The following MEOX2 variants were observed in gnomAD, a reference collection of about 807,000 sequenced individuals.
The protein encoded by MEOX2 is homeobox protein MOX-2.
In MEOX2, 11 loss-of-function variants were observed where a neutral mutation model predicts 27.0. The observed-to-expected ratio is 0.41, with a 90% CI of 0.26 to 0.68. MEOX2 has a LOEUF of 0.68. MEOX2 is among the 30% of genes least tolerant of loss of function. The pLI, the probability that MEOX2 is intolerant of heterozygous loss-of-function variation, is 0.33. For missense variants in MEOX2, 436 were observed against 385.4 expected (o/e 1.13, Z -1.10); for synonymous variants, 189 against 155.4 (o/e 1.22, Z -1.61).
intron 1 of MEOX2, among the ~76,000 whole-genome samples, chr7:15,648,973 T>C (rs1485648905): frequency 6.6e-6 from 1 of 152,080 alleles, no homozygotes; most frequent in Non-Finnish European, 1.5e-5. Context: ...AATTAAGTTG[T>C]TCCCTTGCTG....
At chr7:15,644,098 G>A (rs1006609402) in intron 1 of MEOX2, among the ~76,000 whole-genome samples, 6 of 152,154 alleles carry the variant, frequency 3.9e-5, no homozygotes, top group African/African-American at 1.4e-4. Context: ...AGAGTGTCTG[G>A]GCTCTGTTTT....
At chr7:15,679,934 C>A (rs1024309993) in intron 1 of MEOX2, 1 of 151,502 alleles carries the variant, frequency 6.6e-6, no homozygotes, top group Non-Finnish European at 1.5e-5. Context: ...CTGTGAAAAC[C>A]AATATTTAAA....
intron 2 of MEOX2, among the ~76,000 whole-genome samples, chr7:15,614,342 T>C (rs953975312): frequency 6.6e-6 from 1 of 152,002 alleles, no homozygotes; most frequent in Non-Finnish European, 1.5e-5. Flanking sequence ...TGAGCCCAAG[T>C]GGTTGAGGTT....
At chr7:15,671,402 A>C (rs149761247) in intron 1 of MEOX2, among the ~76,000 whole-genome samples, 1 of 152,326 alleles carries the variant, frequency 6.6e-6, no homozygotes, top group East Asian at 1.9e-4. Flanking sequence ...ACCTATCAAA[A>C]TGTGTTGCAA....
At position 15,672,696 on chromosome 7, in the gene MEOX2, T is replaced by C. The variant is rs377010977; in HGVS notation, c.517+13190A>G. Among the ~76,000 whole-genome samples the C allele has an allele frequency of 1.7e-4, 26 of 152,016 alleles. 1 individual carries two copies. The South Asian group carries it at 4.4e-3, about 26-fold the overall frequency. ...TCATGAGGTCAGGAGATCAAGACCA[T>C]CCTGGCTAAAATGGTGAAACCCCAT... On this transcript the variant is annotated intron_variant, in intron 1 of 2. Coordinates refer to ENST00000262041, the MANE Select transcript of MEOX2 (RefSeq NM_005924.5).
chr7:15,665,760 G>A (rs369747090), intron 1 of MEOX2, among the ~76,000 whole-genome samples: 2 of 152,162 alleles, frequency 1.3e-5, no homozygotes, highest in African/African-American at 2.4e-5. Context: ...GCTAGACTAG[G>A]AAAGTAGATT....
intron 1 of MEOX2, among the ~76,000 whole-genome samples, chr7:15,660,943 G>A (rs1781904103): frequency 6.9e-6 from 1 of 144,026 alleles, no homozygotes; most frequent in South Asian, 2.3e-4. Context: ...AACTCGGGAG[G>A]TGGATGTTGC....
intron 1 of MEOX2, among the ~76,000 whole-genome samples, chr7:15,641,643 G>C (rs967634299): frequency 6.6e-6 from 1 of 152,090 alleles, no homozygotes; most frequent in Non-Finnish European, 1.5e-5. Flanking sequence ...GGGAGGTTTT[G>C]TTCCTCTAAT....
At chr7:15,629,952 C>G (rs994778726) in intron 1 of MEOX2, among the ~76,000 whole-genome samples, 1 of 151,948 alleles carries the variant, frequency 6.6e-6, no homozygotes, top group African/African-American at 2.4e-5. Flanking sequence ...AAAGTCCCTC[C>G]CTTTTCTTCA....
chr7:15,661,225 GCTAT>G (rs765652375), intron 1 of MEOX2, among the ~76,000 whole-genome samples: 24 of 152,070 alleles, frequency 1.6e-4, no homozygotes, highest in Non-Finnish European at 2.4e-4. Context: ...TTGATAAGTG[GCTAT>G]CTTTTTTCCT....
chr7:15,625,181 A>G (rs143846061), intron 2 of MEOX2, among the ~76,000 whole-genome samples: 223 of 152,292 alleles, frequency 1.5e-3, no homozygotes, highest in African/African-American at 4.6e-3. Context: ...AGAATTCACC[A>G]TCTCTATATA....
At chr7:15,648,250 A>G (rs148094525) in intron 1 of MEOX2, among the ~76,000 whole-genome samples, 7 of 152,250 alleles carry the variant, frequency 4.6e-5, no homozygotes, top group African/African-American at 7.2e-5. Flanking sequence ...AAACACAGCT[A>G]TTTAAAGAAG....
intron 1 of MEOX2, chr7:15,676,068 CA>C: frequency 6.6e-6 from 1 of 152,230 alleles, no homozygotes. Flanking sequence ...TCGCTGAAGT[CA>C]TGTCTGAATT....
intron 1 of MEOX2, among the ~76,000 whole-genome samples, chr7:15,671,130 A>C (rs1782089065): frequency 6.6e-6 from 1 of 152,140 alleles, no homozygotes; most frequent in African/African-American, 2.4e-5. Context: ...CCAATATAAA[A>C]ATTTTTAAAT....
chr7:15,683,981 G>A (rs1376566384), intron 1 of MEOX2, among the ~76,000 whole-genome samples: 1 of 152,110 alleles, frequency 6.6e-6, no homozygotes. Context: ...AGTTGGGGGG[G>A]AGAGATAAAT....
intron 2 of MEOX2, among the ~76,000 whole-genome samples, chr7:15,622,153 A>G (rs977032483): frequency 1.3e-5 from 2 of 152,234 alleles, no homozygotes; most frequent in African/African-American, 4.8e-5. Context: ...ATCTTATTAT[A>G]TAATTTAATA....
intron 1 of MEOX2, among the ~76,000 whole-genome samples, chr7:15,627,732 T>C (rs1293143801): frequency 2.0e-5 from 3 of 151,668 alleles, no homozygotes; most frequent in African/African-American, 7.3e-5. Flanking sequence ...ATTTCTTTTA[T>C]CCTCATAAAT....
chr7:15,685,386 G>A (rs1016065918), intron 1 of MEOX2, among the ~76,000 whole-genome samples: 1 of 150,840 alleles, frequency 6.6e-6, no homozygotes, highest in African/African-American at 2.4e-5. Context: ...TTTTTCTCAT[G>A]CGCTCTGCCA....
At chr7:15,633,458 C>A (rs1410742765) in intron 1 of MEOX2, among the ~76,000 whole-genome samples, 3 of 151,846 alleles carry the variant, frequency 2.0e-5, no homozygotes, top group Non-Finnish European at 2.9e-5. Flanking sequence ...GTCAACAGGG[C>A]AAAAAGGATT....
Sources: gnomAD v4.1 joint callset for allele counts (sites outside exome capture counted in the v4.1 genomes callset) on GRCh38, gnomAD v4.1.1 for gene constraint, MANE v1.5 for transcripts, NCBI Gene and HGNC (gene_info 2026-07-23, HGNC 2026-07-21) for gene names.